The following NEB variants were observed in gnomAD, a reference collection of about 807,000 sequenced individuals.
NEB encodes nemaline myopathy type 2.
A neutral mutation model predicts 952.2 loss-of-function variants in NEB; 512 were observed. That is an observed-to-expected ratio of 0.54 (90% CI 0.50 to 0.58). The LOEUF (loss-of-function observed/expected upper bound fraction) is 0.58. Among genes scored for constraint, NEB ranks in the 20% least tolerant of loss-of-function variants. The pLI, the probability that NEB is intolerant of heterozygous loss-of-function variation, is 0.00. For synonymous variants in NEB, 2,900 were observed against 3,149.8 expected (o/e 0.92, Z 2.66); for missense variants, 8,428 against 9,231.1 (o/e 0.91, Z 3.56).
In NEB at chr2:151,494,205, G is replaced by A; in HGVS notation, c.24535C>T (p.Pro8179Ser). The A allele has an allele frequency of 6.2e-7, 1 of 1,608,378 alleles. No homozygotes were observed. Among genetic ancestry groups the A allele is most frequent in the Non-Finnish European group, 8.5e-7 (1 of 1,177,042 alleles). ...VGKATATPVT[P>S]EMQRVKRNQE... ...TTGCGTTTGACTCTCTGCATCTCAG[G>A]AGTGACAGGGGTTGCGGTGGCTTTC... Residue 8179 changes from proline to serine, a missense_variant, in exon 174 of 182, where the codon CCT (proline) becomes TCT (serine). Transcript: ENST00000397345.
rs1331062755 is a variant in NEB at position 151,671,230 on chromosome 2, C to A, written c.4300-1G>T. The A allele has an allele frequency of 6.2e-7, 1 of 1,609,772 alleles. No homozygotes were observed. Among genetic ancestry groups the A allele is most frequent in the African/African-American group, 1.3e-5 (1 of 74,852 alleles). On this transcript the variant is annotated splice_acceptor_variant, in intron 37 of 181. Transcript: ENST00000397345. LOFTEE classifies it high-confidence loss of function. ...TGTTATACTCGTCTTTATACACATT[C>A]TGTAAAAGGGTAAGCTAATATGAGA...
chr2:151,516,330 G>T, intron 157 of NEB, 129 bp downstream of exon 157: 1 of 596,956 alleles, frequency 1.7e-6, no homozygotes, highest in Middle Eastern at 3.3e-4. Flanking sequence ...GAAGATTTTA[G>T]TGATCACATG....
chr2:151,625,736 T>C, intron 70 of NEB, 98 bp from the exon 71 acceptor site: 2 of 685,064 alleles, frequency 2.9e-6, no homozygotes, highest in Non-Finnish European at 2.3e-6. Context: ...GCCAGCTTTC[T>C]TGCTGTCTGT....
chr2:151,634,071 C>T (rs2098714282), intron 64 of NEB, 106 bp from the exon 65 acceptor site: 1 of 1,270,748 alleles, frequency 7.9e-7, no homozygotes, highest in Non-Finnish European at 1.1e-6. Context: ...CTTTTGTTAA[C>T]AAGTACTAAC....
Position 151,665,527 on chromosome 2 carries a change from A to C in NEB, c.5044T>G (p.Ser1682Ala), listed in dbSNP as rs1329122783. 1 of 1,600,152 alleles carries C rather than the reference A, an allele frequency of 6.2e-7. No homozygotes were observed. The change falls in exon 42 of 182, where the codon TCT becomes GCT. Residue 1682 changes from serine (S) to alanine (A), a missense_variant. This residue lies in a region of NEB where 2,851 missense variants were observed against 2,791.5 expected (regional missense o/e 1.02). Transcript: ENST00000397345. Reference protein sequence around the residue: ...MQIQSDNLYKSDFTNWMKGIG... With the variant: ...MQIQSDNLYKADFTNWMKGIG... Reference sequence around the variant, plus strand: ...CCTTTCATCCAATTGGTGAAGTCAGATTTGTACAGATTCTTTACAATGAGA... The same window carrying C: ...CCTTTCATCCAATTGGTGAAGTCAGCTTTGTACAGATTCTTTACAATGAGA...
chr2:151,669,962 G>C (rs1352448368), intron 38 of NEB, among the ~76,000 whole-genome samples: 1 of 152,156 alleles, frequency 6.6e-6, no homozygotes, highest in African/African-American at 2.4e-5. Flanking sequence ...ACTCAGCAGA[G>C]GTACTGCATG....
At position 151,501,371 on chromosome 2, in the gene NEB, AAG is replaced by A; in HGVS notation, c.24021+18_24021+19del. On this transcript the variant is annotated intron_variant, in intron 168 of 181. Coordinates refer to ENST00000397345, the MANE Select transcript of NEB (RefSeq NM_001164508.2). ...ATTATTATTTTTTAATATGGAGTTA[AAG>A]AGCTTTCTCCCAAATACCGAGCTAA... 6.8e-7 allele frequency: 1 copy of A among 1,464,888 alleles called. No individual in the cohort carries two copies. Among genetic ancestry groups the A allele is most frequent in the Non-Finnish European group, 9.4e-7 (1 of 1,068,910 alleles). 90.7% of individuals were successfully genotyped at this position (1,464,888 alleles called of 1,614,324 possible). A position where few individuals can be genotyped will look rare whatever the true frequency, so the allele number is the denominator to read the frequency against.
chr2:151,724,984 G>C, intron 6 of NEB, 23 bp from the exon 7 acceptor site: 2 of 1,576,780 alleles, frequency 1.3e-6, no homozygotes, highest in Non-Finnish European at 1.7e-6. Flanking sequence ...TGCACAGTTA[G>C]AGTTCATGAC....
chr2:151,614,689 T>C, intron 76 of NEB, 102 bp from the exon 77 acceptor site: 2 of 1,321,182 alleles, frequency 1.5e-6, no homozygotes, highest in Non-Finnish European at 2.1e-6. Flanking sequence ...CCCAACACTA[T>C]CATGAAGGAG....
In NEB at chr2:151,495,487, G is replaced by A. The variant is rs532535946; in HGVS notation, c.24486+789C>T. ...TTTAGAAGCACTGTACTCAAGTACTGGAGAAACCTACAGATAGTGGAAATG... is the reference window on the plus strand; with the variant it reads ...TTTAGAAGCACTGTACTCAAGTACTAGAGAAACCTACAGATAGTGGAAATG... On this transcript the variant is annotated intron_variant, in intron 173 of 181. Transcript: ENST00000397345. Among the ~76,000 whole-genome samples the A allele has an allele frequency of 3.9e-5, 6 of 152,230 alleles. No individual in the cohort carries two copies. The South Asian group carries it at 1.2e-3, about 32-fold the overall frequency.
chr2:151,714,492 C>T (rs1269304765), intron 10 of NEB, among the ~76,000 whole-genome samples: 3 of 152,174 alleles, frequency 2.0e-5, no homozygotes, highest in Non-Finnish European at 4.4e-5. Context: ...GGTATATAAG[C>T]TTCTGCACCC....
intron 50 of NEB, 34 bp downstream of exon 50, chr2:151,655,783 T>C (rs750345178): frequency 6.2e-7 from 1 of 1,600,906 alleles, no homozygotes; most frequent in Non-Finnish European, 8.6e-7. Flanking sequence ...TTTCCTCACG[T>C]GGGAGCTGTG....
rs1325918532 is a variant in NEB, at chr2:151,609,899, A to G, written c.12240T>C (p.Ile4080=). Residue 4080 remains isoleucine (I), a synonymous_variant, in exon 81 of 182, where the codon ATT becomes ATC. Transcript: ENST00000397345. ...AKKCQTLVTD[I]DYRNYLHEWT... ...ATTCATGCAGGTAATTGCGATAATC[A>G]ATGTCAGTGACCAAAGTCTGACATT... 6.2e-7 allele frequency: 1 copy of G among 1,613,846 alleles called. No homozygotes were observed. Among genetic ancestry groups the G allele is most frequent in the Non-Finnish European group, 8.5e-7 (1 of 1,179,790 alleles).
rs1487630736 is a variant in NEB at position 151,537,897 on chromosome 2, C to T, written c.21077G>A (p.Arg7026Gln). ...IPDRPEHFHH[R>Q]AVTDTVSDVK... ...ATCACTGACTGTGTCAGTGACTGCTCGGTGGTGGAAATGCTCTGGACGATC... is the reference window on the plus strand; with the variant it reads ...ATCACTGACTGTGTCAGTGACTGCTTGGTGGTGGAAATGCTCTGGACGATC... The change falls in exon 140 of 182, where the codon CGA (arginine) becomes CAA (glutamine). Residue 7026 changes from arginine to glutamine, a missense_variant. By Grantham distance (43) the Arg-to-Gln change is conservative. Around this residue, in one of 11 missense-constraint regions of NEB, gnomAD observed 3,374 missense variants for 3,651.5 expected, o/e 0.92. Coordinates refer to ENST00000397345, the MANE Select transcript of NEB (RefSeq NM_001164508.2). 18 of 1,611,434 alleles carry T rather than the reference C, an allele frequency of 1.1e-5. No homozygotes were observed. Among genetic ancestry groups the T allele is most frequent in the Non-Finnish European group, 1.5e-5 (18 of 1,178,894 alleles).
intron 45 of NEB, 91 bp downstream of exon 45, chr2:151,663,457 C>A: frequency 7.8e-7 from 1 of 1,289,848 alleles, no homozygotes; most frequent in South Asian, 1.6e-5. Flanking sequence ...AGATGAATTT[C>A]TTTCAGGATT....
At chr2:151,560,983 G>A (rs774048375) in intron 123 of NEB, 21 bp downstream of exon 123, 1 of 1,479,786 alleles carries the variant, frequency 6.8e-7, no homozygotes, top group Non-Finnish European at 9.4e-7. Flanking sequence ...ATATATAAGG[G>A]GGAAAAAAAA....
chr2:151,656,709 C>T (rs1359804769), intron 48 of NEB, among the ~76,000 whole-genome samples: 10 of 151,872 alleles, frequency 6.6e-5, no homozygotes, highest in Non-Finnish European at 1.5e-4. Context: ...TAAGCTGAGA[C>T]CCAGAGAGCT....
chr2:151,686,827 A>AT (rs2099505181), intron 27 of NEB, among the ~76,000 whole-genome samples: 1 of 152,178 alleles, frequency 6.6e-6, no homozygotes, highest in South Asian at 2.1e-4. Flanking sequence ...TAACTGCAAA[A>AT]TGTTACATGG....
Position 151,546,001 on chromosome 2 carries a change from T to TTAA in NEB, c.20467-4_20467-3insTTA. ...TTATCAGTGTATAGGTAATTAGACT[T>TTAA]AAAAAAAAAAAAAAAAACAGAAATA... On this transcript the variant is annotated splice_polypyrimidine_tract_variant and splice_region_variant and intron_variant, in intron 134 of 181. Transcript: ENST00000397345. 3.2e-6 allele frequency: 3 copies of TTAA among 948,516 alleles called. No individual in the cohort carries two copies. The highest frequency in any genetic ancestry group is 3.1e-6 in the Non-Finnish European group (2 of 643,006). 58.8% of individuals were successfully genotyped at this position (948,516 alleles called of 1,614,324 possible). A position where few individuals can be genotyped will look rare whatever the true frequency, so the allele number is the denominator to read the frequency against.
Sources: allele counts gnomAD v4.1 joint callset (sites outside exome capture counted in the v4.1 genomes callset), GRCh38; gene constraint gnomAD v4.1.1; regional missense constraint gnomAD v4.1.1; transcripts MANE v1.5; gene names NCBI Gene and HGNC (gene_info 2026-07-23, HGNC 2026-07-21).